The following IGF1R variants were observed in gnomAD, a reference collection of about 807,000 sequenced individuals.
IGF1R encodes insulin like growth factor 1 receptor.
A neutral mutation model predicts 144.6 loss-of-function variants in IGF1R; 44 were observed. The observed-to-expected ratio is 0.30, with a 90% confidence interval of 0.24 to 0.39. IGF1R has a LOEUF of 0.39. IGF1R is among the 10% of genes least tolerant of loss of function. The pLI is 1.00. For missense variants in IGF1R, 1,355 were observed against 1,833.7 expected, an observed-to-expected ratio of 0.74 and a Z score of 4.77; for synonymous variants, 795 against 722.8, an observed-to-expected ratio of 1.10 and a Z score of -1.60.
chr15:98,953,455 T>G, intron 20 of IGF1R, among the ~76,000 whole-genome samples: 1 of 152,192 alleles, frequency 6.6e-6, no homozygotes. Flanking sequence ...GATCTCGGTA[T>G]TTATGCCACA....
chr15:98,834,956 CTA>C (rs1165919847), intron 2 of IGF1R, among the ~76,000 whole-genome samples: 2 of 152,090 alleles, frequency 1.3e-5, no homozygotes, highest in East Asian at 3.9e-4. Context: ...AGATGCTTCT[CTA>C]TGTTTGTAAG....
At position 98,916,376 on chromosome 15, in the gene IGF1R, C is replaced by T. The variant is rs752615509; in HGVS notation, c.1996+245C>T. 2.0e-4 allele frequency: 112 copies of T among 559,036 alleles called. 1 individual carries two copies. The highest frequency in any genetic ancestry group is 3.3e-4 in the Non-Finnish European group (105 of 315,130). 34.6% of individuals were successfully genotyped at this position (559,036 alleles called of 1,614,324 possible). A position where few individuals can be genotyped will look rare whatever the true frequency, so the allele number is the denominator to read the frequency against. On this transcript the variant is annotated intron_variant, in intron 9 of 20. Coordinates refer to ENST00000650285, the MANE Select transcript of IGF1R (RefSeq NM_000875.5). ...TCCCAGGTTCAAGCATTTCTCATTC[C>T]CCAGCATTCCGAGTAGCTGGGATTA...
intron 1 of IGF1R, among the ~76,000 whole-genome samples, chr15:98,706,572 A>G (rs2053866101): frequency 6.9e-6 from 1 of 144,954 alleles, no homozygotes; most frequent in Non-Finnish European, 1.5e-5. Context: ...CTAAATGTCC[A>G]ACAATAAGGG....
In IGF1R at chr15:98,750,256, C is replaced by T. The variant is rs147752227; in HGVS notation, c.640+42149C>T. 5.6e-3 allele frequency among the ~76,000 whole-genome samples: 859 copies of T among 152,314 alleles called. 10 individuals are homozygous for T. The highest frequency in any genetic ancestry group is 0.02 in the Middle Eastern group (6 of 294). ...GCTGTGCTCCCTTGTTGGGGGGTCC[C>T]TTGGCCTGGGCAGTTTTGCGCTTCT... On this transcript the variant is annotated intron_variant, in intron 2 of 20. Transcript: ENST00000650285.
intron 1 of IGF1R, among the ~76,000 whole-genome samples, chr15:98,688,380 T>A (rs1253704372): frequency 2.0e-5 from 3 of 148,480 alleles, no homozygotes; most frequent in African/African-American, 5.0e-5. Flanking sequence ...CTCCCAACTT[T>A]CTTTCTCTCT....
intron 13 of IGF1R, among the ~76,000 whole-genome samples, chr15:98,924,892 CAT>C (rs2015648200): frequency 2.0e-5 from 3 of 151,974 alleles, no homozygotes; most frequent in African/African-American, 4.8e-5. Flanking sequence ...GCTCCTACCT[CAT>C]GTGGCAGGAA....
intron 2 of IGF1R, among the ~76,000 whole-genome samples, chr15:98,741,653 C>T (rs1476259554): frequency 6.6e-6 from 1 of 152,212 alleles, no homozygotes; most frequent in African/African-American, 2.4e-5. Context: ...ACTGCTCCGT[C>T]CTCCCGCATT....
At position 98,924,653 on chromosome 15, in the gene IGF1R, A is replaced by G. The variant is rs2015633464; in HGVS notation, c.2751A>G (p.Thr917=). The stretch of plus-strand genomic sequence containing the variant: ...CTCTCTCTGGGAATGGGTCGTGGAC[A>G]GATCCTGTGTTCTTCTATGTCCAGG... The part of the protein sequence containing the change: ...ATSLSGNGSW[T]DPVFFYVQAK... The change falls in exon 13 of 21, where the codon ACA becomes ACG. Residue 917 remains threonine, a synonymous_variant. Coordinates refer to ENST00000650285, the MANE Select transcript of IGF1R (RefSeq NM_000875.5). The G allele has an allele frequency of 1.2e-6, 2 of 1,614,218 alleles. No homozygotes were observed. Among genetic ancestry groups the G allele is most frequent in the African/African-American group, 2.7e-5 (2 of 75,066 alleles).
intron 2 of IGF1R, among the ~76,000 whole-genome samples, chr15:98,728,680 C>T (rs2054424260): frequency 2.0e-5 from 3 of 152,266 alleles, no homozygotes; most frequent in Admixed American, 2.0e-4. Flanking sequence ...GTCAGGCCCC[C>T]ATCGCTTCTT....
Position 98,908,668 on chromosome 15 carries a change from G to T in IGF1R, c.1248-17G>T, listed in dbSNP as rs1161731175. 7.5e-6 allele frequency: 12 copies of T among 1,610,028 alleles called. No individual in the cohort carries two copies. The highest frequency in any genetic ancestry group is 1.7e-5 in the Admixed American group (1 of 59,766). On this transcript the variant is annotated splice_polypyrimidine_tract_variant and intron_variant, in intron 5 of 20. Transcript: ENST00000650285. Reference sequence around the variant, plus strand: ...GGCCAAGGGCAGGTGCGCTAACATCGATTTCTGTGCTTCTAGGAATTACTC... The same window carrying T: ...GGCCAAGGGCAGGTGCGCTAACATCTATTTCTGTGCTTCTAGGAATTACTC...
chr15:98,897,878 T>C (rs1379964411), intron 4 of IGF1R, among the ~76,000 whole-genome samples: 1 of 152,196 alleles, frequency 6.6e-6, no homozygotes, highest in East Asian at 1.9e-4. Flanking sequence ...GTAAAATGGC[T>C]TTGAAGTTGA....
chr15:98,674,580 A>G (rs986074961), intron 1 of IGF1R, among the ~76,000 whole-genome samples: 3 of 152,250 alleles, frequency 2.0e-5, no homozygotes, highest in East Asian at 1.9e-4. Context: ...ACGTGCAGCT[A>G]TGACGAACAG....
In IGF1R at chr15:98,958,548, T is replaced by TCTA. The variant is rs1323190055; in HGVS notation, c.*1107_*1109dup. The TCTA allele has an allele frequency of 3.0e-5, 7 of 233,004 alleles. No individual in the cohort carries two copies. Among genetic ancestry groups the TCTA allele is most frequent in the Non-Finnish European group, 5.9e-5 (7 of 117,694 alleles). 14.4% of individuals were successfully genotyped at this position (233,004 alleles called of 1,614,324 possible). ...AAAAGCAGTCAATGGATTCAAGCATTCTAAGCTTTGTTGACATTTTCTCTG... is the reference window on the plus strand; with the variant it reads ...AAAAGCAGTCAATGGATTCAAGCATTCTACTAAGCTTTGTTGACATTTTCTCTG... On this transcript the variant is annotated 3_prime_UTR_variant, in exon 21 of 21. Coordinates refer to ENST00000650285, the MANE Select transcript of IGF1R (RefSeq NM_000875.5).
chr15:98,769,774 T>A (rs1437773920), intron 2 of IGF1R, among the ~76,000 whole-genome samples: 2 of 152,242 alleles, frequency 1.3e-5, no homozygotes, highest in Non-Finnish European at 2.9e-5. Flanking sequence ...GAATTTGTCA[T>A]TCTCTTCTAT....
At chr15:98,807,796 T>C (rs1230931094) in intron 2 of IGF1R, among the ~76,000 whole-genome samples, 4 of 152,250 alleles carry the variant, frequency 2.6e-5, no homozygotes, top group Non-Finnish European at 4.4e-5. Context: ...CCTTGCCGTT[T>C]ATGGGTCCTT....
rs1360939849 is a variant in IGF1R, at chr15:98,962,502, C to T, written c.*5060C>T. ...AAGAGAGGATGTTATTTAGACTGAA[C>T]CTCTGTTGCCAGAGATGCTGAAGAT... On this transcript the variant is annotated 3_prime_UTR_variant, in exon 21 of 21. Transcript: ENST00000650285. 1 of 233,594 alleles carries T rather than the reference C, an allele frequency of 4.3e-6. No individual in the cohort carries two copies. The highest frequency in any genetic ancestry group is 5.6e-5 in the Admixed American group (1 of 17,782). 14.5% of individuals were successfully genotyped at this position (233,594 alleles called of 1,614,324 possible).
chr15:98,803,212 A>T (rs1393831819), intron 2 of IGF1R, among the ~76,000 whole-genome samples: 2 of 152,248 alleles, frequency 1.3e-5, no homozygotes, highest in Non-Finnish European at 1.5e-5. Context: ...GGTCCATGGT[A>T]TAGCCTGTTG....
Position 98,649,211 on chromosome 15 carries a change from C to T in IGF1R, c.-371C>T, listed in dbSNP as rs1018020519. 4.6e-6 allele frequency: 1 copy of T among 218,634 alleles called. No individual in the cohort carries two copies. The highest frequency in any genetic ancestry group is 9.2e-6 in the Non-Finnish European group (1 of 108,836). 13.5% of individuals were successfully genotyped at this position (218,634 alleles called of 1,614,324 possible). A position where few individuals can be genotyped will look rare whatever the true frequency, so the allele number is the denominator to read the frequency against. Reference sequence around the variant, plus strand: ...GGCCAGGGCCGGGCTTGTTTTTCCTCGCCTAGGCAGATTTGGGCTTTGCCC... The same window carrying T: ...GGCCAGGGCCGGGCTTGTTTTTCCTTGCCTAGGCAGATTTGGGCTTTGCCC... On this transcript the variant is annotated 5_prime_UTR_variant, in exon 1 of 21. Coordinates refer to ENST00000650285, the MANE Select transcript of IGF1R (RefSeq NM_000875.5).
chr15:98,750,370 T>G (rs2054980175), intron 2 of IGF1R, among the ~76,000 whole-genome samples: 1 of 152,226 alleles, frequency 6.6e-6, no homozygotes, highest in African/African-American at 2.4e-5. Flanking sequence ...GGAGGGCCCC[T>G]GGATTTATCT....
Sources: allele counts gnomAD v4.1 joint callset (sites outside exome capture counted in the v4.1 genomes callset), GRCh38; gene constraint gnomAD v4.1.1; transcripts MANE v1.5; gene names NCBI Gene and HGNC (gene_info 2026-07-23, HGNC 2026-07-21).